Variants in MEGF10 observed in about 807,000 individuals in gnomAD.
MEGF10 encodes multiple EGF like domains 10.
In MEGF10, 86 loss-of-function variants were observed where a neutral mutation model predicts 147.5. The ratio of observed to expected loss-of-function variants is 0.58; its 90% CI spans 0.49 to 0.70. The LOEUF (loss-of-function observed/expected upper bound fraction) is 0.70. MEGF10 is among the 30% of genes least tolerant of loss of function. The pLI is 0.00. For missense variants in MEGF10, 1,329 were observed against 1,487.3 expected, an observed-to-expected ratio of 0.89 and a Z score of 1.75; for synonymous variants, 478 against 525.5, an observed-to-expected ratio of 0.91 and a Z score of 1.24.
At chr5:127,284,130 C>G in the MEGF10 span, among the ~76,000 whole-genome samples, 1 of 152,102 alleles carries the variant, frequency 6.6e-6, no homozygotes, top group African/African-American at 2.4e-5. Flanking sequence ...AGACAGTGAT[C>G]TTTTCAAAAA....
chr5:127,319,444 T>G (rs1040259136), intron 1 of MEGF10, among the ~76,000 whole-genome samples: 2 of 152,196 alleles, frequency 1.3e-5, no homozygotes, highest in African/African-American at 4.8e-5. Flanking sequence ...AGTGGACTCG[T>G]CTCTATGTCT....
At chr5:127,421,955 G>A (rs567880642) in intron 12 of MEGF10, among the ~76,000 whole-genome samples, 12 of 135,110 alleles carry the variant, frequency 8.9e-5, no homozygotes, top group African/African-American at 1.1e-4. Context: ...CGCCACTGCC[G>A]TCCGGCCTGG....
rs148870243 is a variant in MEGF10, at chr5:127,296,023, A to C, written c.-19+4967A>C. Among the ~76,000 whole-genome samples the C allele has an allele frequency of 1.7e-3, 256 of 152,308 alleles. 2 individuals carry two copies. Among genetic ancestry groups the C allele is most frequent in the Non-Finnish European group, 3.2e-3 (221 of 68,018 alleles). ...CATTCTTCATATCTGAATGTCCTGA[A>C]ATTTTTAATTTACCTTTTGTCTCTC... On this transcript the variant is annotated intron_variant, in intron 1 of 24. Transcript: ENST00000503335.
At chr5:127,331,461 G>T (rs1761257978) in intron 2 of MEGF10, 37 bp downstream of exon 2, 1 of 1,231,400 alleles carries the variant, frequency 8.1e-7, no homozygotes, top group African/African-American at 1.5e-5. Flanking sequence ...AAGAATTGCT[G>T]AGAAGTTCCC....
At chr5:127,346,478 A>T (rs1444530850) in intron 4 of MEGF10, among the ~76,000 whole-genome samples, 1 of 151,944 alleles carries the variant, frequency 6.6e-6, no homozygotes, top group African/African-American at 2.4e-5. Flanking sequence ...GCATTTTTTC[A>T]TATGTTTGTT....
rs748380473 is a variant in MEGF10 at position 127,402,579 on chromosome 5, C to A, written c.814C>A (p.Arg272Ser). The stretch of plus-strand genomic sequence containing the variant: ...GTGTGGTCAGCCTTGCCCCGAGGGT[C>A]GCTTTGGAAAGAACTGTTCCCAAGA... ...TVCGQPCPEG[R>S]FGKNCSQECQ... Residue 272 changes from arginine to serine, a missense_variant, in exon 8 of 25, where the codon CGC becomes AGC. Physicochemically the swap from Arg to Ser is moderately radical, Grantham distance 110. Coordinates refer to ENST00000503335, the MANE Select transcript of MEGF10 (RefSeq NM_001256545.2). The A allele has an allele frequency of 5.6e-6, 9 of 1,613,824 alleles. No homozygotes were observed. Among genetic ancestry groups the A allele is most frequent in the Non-Finnish European group, 7.6e-6 (9 of 1,179,974 alleles).
intron 5 of MEGF10, among the ~76,000 whole-genome samples, chr5:127,380,768 C>A (rs1198400021): frequency 6.6e-6 from 1 of 152,108 alleles, no homozygotes; most frequent in Admixed American, 6.5e-5. Context: ...TCGCCCGCCT[C>A]GGCCTCCCAA....
At chr5:127,365,673 G>A (rs758567297) in intron 4 of MEGF10, among the ~76,000 whole-genome samples, 6 of 152,180 alleles carry the variant, frequency 3.9e-5, no homozygotes, top group Non-Finnish European at 8.8e-5. Flanking sequence ...AGCTTGCTGT[G>A]TCTGAAGGAG....
chr5:127,282,751 G>A, the MEGF10 span, among the ~76,000 whole-genome samples: 1 of 152,188 alleles, frequency 6.6e-6, no homozygotes, highest in Non-Finnish European at 1.5e-5. Context: ...CTGGAAGGAT[G>A]GTGTATCAGG....
At chr5:127,410,264 A>C in intron 8 of MEGF10, 125 bp from the exon 9 acceptor site, 2 of 807,060 alleles carry the variant, frequency 2.5e-6, no homozygotes, top group Non-Finnish European at 4.1e-6. Context: ...TGGGACAATC[A>C]CTAAATAATT....
the MEGF10 span, among the ~76,000 whole-genome samples, chr5:127,237,144 G>T: frequency 2.0e-5 from 3 of 152,148 alleles, no homozygotes; most frequent in Non-Finnish European, 4.4e-5. Flanking sequence ...AAAAAAAAGG[G>T]GGTTTTATGT....
rs761922404 is a variant in MEGF10, at chr5:127,396,528, T to C, written c.413-4T>C. On this transcript the variant is annotated splice_region_variant and splice_polypyrimidine_tract_variant and intron_variant, in intron 5 of 24. Coordinates refer to ENST00000503335, the MANE Select transcript of MEGF10 (RefSeq NM_001256545.2). The stretch of plus-strand genomic sequence containing the variant: ...ATATCCACTGTTTCTCTCCTCAATC[T>C]CAGCCTGCGATGGTGATCACTGGGG... 47 of 1,526,474 alleles carry C rather than the reference T, an allele frequency of 3.1e-5. No homozygotes were observed. Among genetic ancestry groups the C allele is most frequent in the Non-Finnish European group, 4.1e-5 (47 of 1,134,140 alleles). 94.6% of individuals were successfully genotyped at this position (1,526,474 alleles called of 1,614,324 possible).
intron 22 of MEGF10, among the ~76,000 whole-genome samples, chr5:127,453,827 C>G (rs936738377): frequency 1.3e-5 from 2 of 152,142 alleles, no homozygotes; most frequent in African/African-American, 4.8e-5. Flanking sequence ...TGATTAAATG[C>G]TTATATTTTA....
At chr5:127,398,588 G>A (rs1412983580) in intron 6 of MEGF10, 88 bp from the exon 7 acceptor site, 1 of 1,465,666 alleles carries the variant, frequency 6.8e-7, no homozygotes, top group Non-Finnish European at 9.5e-7. Context: ...CAGAAAGCTT[G>A]TCTATTTTGG....
chr5:127,247,233 A>T, the MEGF10 span, among the ~76,000 whole-genome samples: 1 of 146,292 alleles, frequency 6.8e-6, no homozygotes, highest in South Asian at 2.2e-4. Context: ...GAGAAAAAAA[A>T]ACTCACAGAA....
At chr5:127,358,282 T>G (rs114521048) in intron 4 of MEGF10, among the ~76,000 whole-genome samples, 1,990 of 152,150 alleles carry the variant, frequency 0.013, 49 homozygotes, top group African/African-American at 0.046. Context: ...GGACCACCAC[T>G]AAGGAGGGAG....
intron 5 of MEGF10, among the ~76,000 whole-genome samples, chr5:127,390,116 A>C (rs1277752991): frequency 6.6e-6 from 1 of 152,172 alleles, no homozygotes; most frequent in Non-Finnish European, 1.5e-5. Context: ...CAAGACCCAG[A>C]GATACCCACT....
In MEGF10 at chr5:127,461,047, A is replaced by G. The variant is rs971931636; in HGVS notation, c.*3729A>G. The G allele has an allele frequency of 2.0e-5, 3 of 152,226 alleles. No homozygotes were observed. Among genetic ancestry groups the G allele is most frequent in the African/African-American group, 7.2e-5 (3 of 41,456 alleles). 9.4% of individuals were successfully genotyped at this position (152,226 alleles called of 1,614,324 possible). A position where few individuals can be genotyped will look rare whatever the true frequency, so the allele number is the denominator to read the frequency against. ...AATTGCAATCTATATTTTTAAAAAG[A>G]AAAATCAAAATACATTAGGGTTTAC... On this transcript the variant is annotated 3_prime_UTR_variant, in exon 25 of 25. Transcript: ENST00000503335.
chr5:127,279,857 AT>A, the MEGF10 span, among the ~76,000 whole-genome samples: 24 of 152,210 alleles, frequency 1.6e-4, no homozygotes, highest in Admixed American at 1.4e-3. Context: ...GGATGGTGTT[AT>A]AGACAAATCA....
Sources: gnomAD v4.1 joint callset for allele counts (sites outside exome capture counted in the v4.1 genomes callset) on GRCh38, gnomAD v4.1.1 for gene constraint, MANE v1.5 for transcripts, NCBI Gene and HGNC (gene_info 2026-07-23, HGNC 2026-07-21) for gene names.